Variants in DPYD observed in about 807,000 individuals in gnomAD.
DPYD encodes dihydropyrimidine dehydrogenase.
Under a neutral mutation model 116.2 loss-of-function variants are expected in DPYD, and 109 were observed. The observed-to-expected ratio is 0.94, with a 90% CI of 0.80 to 1.10. The LOEUF (loss-of-function observed/expected upper bound fraction) is 1.10. DPYD is among the 50% of genes least tolerant of loss of function. The pLI, the probability that DPYD is intolerant of heterozygous loss-of-function variation, is 0.00. For synonymous variants in DPYD, 440 were observed against 432.0 expected, an observed-to-expected ratio of 1.02 and a Z score of -0.23; for missense variants, 1,302 against 1,254.5, an observed-to-expected ratio of 1.04 and a Z score of -0.57.
At chr1:97,712,368 T>C (rs1662337022) in intron 5 of DPYD, among the ~76,000 whole-genome samples, 1 of 152,116 alleles carries the variant, frequency 6.6e-6, no homozygotes, top group South Asian at 2.1e-4. Context: ...ATTGAGATTG[T>C]CATTATAGTG....
chr1:97,302,223 A>G (rs1018495607), intron 18 of DPYD, among the ~76,000 whole-genome samples: 2 of 152,060 alleles, frequency 1.3e-5, no homozygotes, highest in African/African-American at 4.8e-5. Context: ...AGAATTATTT[A>G]GAATCAATGG....
At chr1:97,537,388 A>C (rs1650087542) in intron 12 of DPYD, among the ~76,000 whole-genome samples, 1 of 152,210 alleles carries the variant, frequency 6.6e-6, no homozygotes, top group South Asian at 2.1e-4. Context: ...CTGTCATCTT[A>C]TAAAATTTTC....
intron 13 of DPYD, chr1:97,514,257 T>A: frequency 1.0e-6 from 1 of 984,484 alleles, no homozygotes; most frequent in Non-Finnish European, 1.2e-6. Flanking sequence ...TCAATGCATG[T>A]CACCAACAGT....
intron 3 of DPYD, among the ~76,000 whole-genome samples, chr1:97,792,811 C>T (rs181472579): frequency 6.6e-6 from 1 of 152,248 alleles, no homozygotes; most frequent in East Asian, 1.9e-4. Flanking sequence ...AAGTAAGGCA[C>T]ATTCTACAAA....
chr1:97,863,232 C>T (rs888760728), intron 2 of DPYD, among the ~76,000 whole-genome samples: 1 of 151,708 alleles, frequency 6.6e-6, no homozygotes, highest in African/African-American at 2.4e-5. Flanking sequence ...AAAGAAATGC[C>T]ATATGATCAT....
intron 13 of DPYD, among the ~76,000 whole-genome samples, chr1:97,507,558 G>T (rs1175313221): frequency 6.6e-6 from 1 of 151,790 alleles, no homozygotes; most frequent in Non-Finnish European, 1.5e-5. Flanking sequence ...TTCTAACAAG[G>T]TTTCCAAAAT....
chr1:97,786,796 TA>T (rs1190495378), intron 3 of DPYD, among the ~76,000 whole-genome samples: 5 of 152,212 alleles, frequency 3.3e-5, no homozygotes, highest in African/African-American at 1.2e-4. Context: ...TTGTTTGACC[TA>T]AAAATAGCAA....
intron 18 of DPYD, among the ~76,000 whole-genome samples, chr1:97,275,914 T>C (rs766111528): frequency 6.6e-6 from 1 of 152,184 alleles, no homozygotes; most frequent in Non-Finnish European, 1.5e-5. Flanking sequence ...CTTCTTTTGC[T>C]GGATCTTCTT....
At chr1:97,599,642 A>G (rs1014145658) in intron 8 of DPYD, among the ~76,000 whole-genome samples, 3 of 151,888 alleles carry the variant, frequency 2.0e-5, no homozygotes, top group Non-Finnish European at 4.4e-5. Context: ...CTTTGGAGAT[A>G]GACTCACAAA....
At chr1:97,154,008 G>A (rs1201808783) in intron 20 of DPYD, among the ~76,000 whole-genome samples, 2 of 149,430 alleles carry the variant, frequency 1.3e-5, no homozygotes, top group South Asian at 2.1e-4. Flanking sequence ...CGTGGATATC[G>A]TGATGTGATG....
chr1:97,594,024 C>G (rs1450480969), intron 9 of DPYD, among the ~76,000 whole-genome samples: 2 of 152,086 alleles, frequency 1.3e-5, no homozygotes, highest in Admixed American at 6.5e-5. Context: ...GCATCCATTT[C>G]TCAAGGTCAT....
chr1:97,343,689 C>T (rs966718352), intron 16 of DPYD, among the ~76,000 whole-genome samples: 4 of 151,878 alleles, frequency 2.6e-5, no homozygotes, highest in African/African-American at 9.7e-5. Flanking sequence ...TTTATGTCTT[C>T]CATGAGAATT....
intron 14 of DPYD, among the ~76,000 whole-genome samples, chr1:97,420,933 C>A (rs1007134637): frequency 6.6e-6 from 1 of 152,170 alleles, no homozygotes; most frequent in Non-Finnish European, 1.5e-5. Context: ...TGTTTCTCAT[C>A]TGCACATAGT....
chr1:97,435,975 A>G (rs1334467850), intron 14 of DPYD, among the ~76,000 whole-genome samples: 2 of 152,046 alleles, frequency 1.3e-5, no homozygotes, highest in Admixed American at 1.3e-4. Flanking sequence ...TAAAAACTTT[A>G]TATTGCCTCC....
At chr1:97,249,798 C>A (rs1042953412) in intron 18 of DPYD, among the ~76,000 whole-genome samples, 1 of 152,018 alleles carries the variant, frequency 6.6e-6, no homozygotes, top group African/African-American at 2.4e-5. Context: ...AAAAGACATA[C>A]AAATGATCAA....
At chr1:97,576,109 A>G (rs1160622773) in intron 10 of DPYD, among the ~76,000 whole-genome samples, 1 of 152,208 alleles carries the variant, frequency 6.6e-6, no homozygotes, top group Admixed American at 6.5e-5. Context: ...AATTCAAATT[A>G]CAAAATAAAT....
At chr1:97,230,792 A>G (rs1661540573) in intron 19 of DPYD, among the ~76,000 whole-genome samples, 1 of 152,162 alleles carries the variant, frequency 6.6e-6, no homozygotes, top group Admixed American at 6.5e-5. Flanking sequence ...GGAGAGAACA[A>G]GAGTGGACAG....
chr1:97,289,637 AC>A (rs1266688583), intron 18 of DPYD, among the ~76,000 whole-genome samples: 14 of 151,986 alleles, frequency 9.2e-5, no homozygotes, highest in Admixed American at 3.9e-4. Flanking sequence ...AAATTTAACA[AC>A]CCTTCATGCT....
intron 14 of DPYD, among the ~76,000 whole-genome samples, chr1:97,415,227 A>G (rs1205742539): frequency 2.6e-5 from 4 of 152,208 alleles, no homozygotes; most frequent in African/African-American, 9.6e-5. Context: ...TAGTTTTCAG[A>G]CTTTCTTAAT....
Sources: allele counts gnomAD v4.1 joint callset (sites outside exome capture counted in the v4.1 genomes callset), GRCh38; gene constraint gnomAD v4.1.1; transcripts MANE v1.5; gene names NCBI Gene and HGNC (gene_info 2026-07-23, HGNC 2026-07-21).